INSR: variants seen among roughly 807,000 people sequenced by gnomAD.
INSR encodes the protein IR.
INSR carries 67 observed loss-of-function variants against 142.6 expected under a neutral mutation model. That is an observed-to-expected ratio of 0.47 (90% confidence interval 0.39 to 0.58). The LOEUF (loss-of-function observed/expected upper bound fraction) is 0.58. Ranked by LOEUF, INSR falls within the 20% of genes least tolerant of loss-of-function variation. The probability of loss-of-function intolerance (pLI) is 0.00; values close to 1 mark genes in which losing one functional copy is unlikely to be tolerated. For synonymous variants in INSR, 756 were observed against 743.1 expected (o/e 1.02, Z -0.28); for missense variants, 1,248 against 1,833.2 (o/e 0.68, Z 5.83).
chr19:7,143,185 G>A, intron 11 of INSR, 95 bp from the exon 12 acceptor site: 1 of 1,412,116 alleles, frequency 7.1e-7, no homozygotes, highest in Non-Finnish European at 9.9e-7. Flanking sequence ...TAAGAAGAAA[G>A]ATCAGAGCGC....
intron 1 of INSR, among the ~76,000 whole-genome samples, chr19:7,288,000 GTGGGATTTGGCCTGAGGGCCA>G (rs1968387345): frequency 6.6e-6 from 1 of 152,154 alleles, no homozygotes. Context: ...TACAAAAACC[GTGGGATTTGGCCTGAGGGCCA>G]TAGTTTGCTG....
intron 1 of INSR, chr19:7,268,550 T>A (rs1967812636): frequency 1.0e-6 from 1 of 985,158 alleles, no homozygotes; most frequent in South Asian, 4.7e-5. Context: ...CCCTCAAGAT[T>A]CTGCCCCTAC....
intron 11 of INSR, among the ~76,000 whole-genome samples, chr19:7,144,704 CT>C (rs199504210): frequency 0.14 from 18,630 of 135,726 alleles, 1,759 homozygotes; most frequent in East Asian, 0.5. Flanking sequence ...GCACATGGCT[CT>C]TTTTTTTTTT....
rs1294763642 is a variant in INSR, at chr19:7,120,601, C to G, written c.3659+19G>C. 1 of 1,613,712 alleles carries G rather than the reference C, an allele frequency of 6.2e-7. No individual in the cohort carries two copies. The highest frequency in any genetic ancestry group is 1.7e-5 in the Admixed American group (1 of 59,988). Reference sequence around the variant, plus strand: ...GAATTCAAGCCCAGCGTCCATCCACCCATCCACACACAACTCACCACATGT... The same window carrying G: ...GAATTCAAGCCCAGCGTCCATCCACGCATCCACACACAACTCACCACATGT... On this transcript the variant is annotated intron_variant, in intron 20 of 21. Transcript: ENST00000302850.
chr19:7,279,324 A>C (rs1968143960), intron 1 of INSR, among the ~76,000 whole-genome samples: 1 of 151,604 alleles, frequency 6.6e-6, no homozygotes, highest in Non-Finnish European at 1.5e-5. Flanking sequence ...ATAAAAAAGA[A>C]AGAGAGAAAC....
At chr19:7,210,340 CAAAAAA>C (rs11342133) in intron 2 of INSR, among the ~76,000 whole-genome samples, 12,862 of 109,842 alleles carry the variant, frequency 0.12, 1,698 homozygotes, top group African/African-American at 0.34. Context: ...GACTCTGTCT[CAAAAAA>C]AAAAAAAAAA....
rs141061577 is a variant in INSR, at chr19:7,143,182, A to G, written c.2268-92T>C. On this transcript the variant is annotated intron_variant, in intron 11 of 21. Transcript: ENST00000302850. ...GAGAATAAAAGGCTTGATTAAGAAGAAAGATCAGAGCGCAGGAGGGTGCAG... is the reference window on the plus strand; with the variant it reads ...GAGAATAAAAGGCTTGATTAAGAAGGAAGATCAGAGCGCAGGAGGGTGCAG... 8 of 1,443,152 alleles carry G rather than the reference A, an allele frequency of 5.5e-6. No homozygotes were observed. The African/African-American group carries it at 1.1e-4, about 20-fold the overall frequency. 89.4% of individuals were successfully genotyped at this position (1,443,152 alleles called of 1,614,324 possible).
At chr19:7,293,442 G>C (rs1240942925) in intron 1 of INSR, among the ~76,000 whole-genome samples, 1 of 152,182 alleles carries the variant, frequency 6.6e-6, no homozygotes, top group South Asian at 2.1e-4. Flanking sequence ...TCCCGGCCGC[G>C]ACCCAAAGAT....
rs1378329388 is a variant in INSR at position 7,125,483 on chromosome 19, G to A, written c.3058C>T (p.Arg1020Ter). The change falls in exon 17 of 22, where the codon CGA (arginine) becomes TGA (stop). Residue 1020 changes from arginine (R) to a stop codon, truncating the protein, a stop_gained. Transcript: ENST00000302850. LOFTEE classifies it high-confidence loss of function. The surrounding 1 kb of genome is among the most constrained non-coding windows in gnomAD (Gnocchi z 4.9). ...VYVPDEWEVSREKITLLRELG... is the reference protein window; with the variant it reads ...VYVPDEWEVS The stretch of plus-strand genomic sequence containing the variant: ...TCTCGAAGGAGGGTGATCTTCTCTC[G>A]AGACACCTCCCACTCGTCCGGCACG... The A allele has an allele frequency of 5.0e-6, 8 of 1,614,008 alleles. No homozygotes were observed. The highest frequency in any genetic ancestry group is 6.8e-6 in the Non-Finnish European group (8 of 1,180,020).
chr19:7,250,600 G>A (rs4804110), intron 2 of INSR, among the ~76,000 whole-genome samples: 68,818 of 130,716 alleles, frequency 0.53, 18,551 homozygotes, highest in East Asian at 0.63. Context: ...GAAGGAAGGA[G>A]AGGAGGGAGG....
intron 2 of INSR, among the ~76,000 whole-genome samples, chr19:7,195,688 G>C (rs1247847920): frequency 6.6e-6 from 1 of 151,482 alleles, no homozygotes; most frequent in African/African-American, 2.4e-5. Context: ...AAAAGCCAAT[G>C]TTGGGAAAGA....
rs765405296 is a variant in INSR, at chr19:7,117,045, G to A, written c.*11C>T. ...GGGAACCCCTGCCCGCCCCCGCCAC[G>A]GTAGGCACTGTTAGGAAGGATTGGA... is the stretch of plus-strand genomic sequence containing the variant. On this transcript the variant is annotated 3_prime_UTR_variant, in exon 22 of 22. Coordinates refer to ENST00000302850, the MANE Select transcript of INSR (RefSeq NM_000208.4). 4.4e-6 allele frequency: 7 copies of A among 1,575,982 alleles called. No individual in the cohort carries two copies. The highest frequency in any genetic ancestry group is 1.7e-4 in the Middle Eastern group (1 of 5,844).
At chr19:7,224,803 C>G (rs1975730194) in intron 2 of INSR, among the ~76,000 whole-genome samples, 1 of 152,094 alleles carries the variant, frequency 6.6e-6, no homozygotes, top group African/African-American at 2.4e-5. Flanking sequence ...CAGAGATAAT[C>G]CAGGGCCCTT....
intron 4 of INSR, 34 bp downstream of exon 4, chr19:7,174,549 C>A: frequency 1.2e-6 from 2 of 1,613,054 alleles, no homozygotes; most frequent in Non-Finnish European, 8.5e-7. Flanking sequence ...TGGAGCCCAA[C>A]AGGCACCCCC....
At chr19:7,279,606 G>C (rs950923759) in intron 1 of INSR, among the ~76,000 whole-genome samples, 1 of 151,588 alleles carries the variant, frequency 6.6e-6, no homozygotes, top group East Asian at 1.9e-4. Flanking sequence ...TTGGGAAGAT[G>C]GGGGAACAGG....
intron 2 of INSR, among the ~76,000 whole-genome samples, chr19:7,230,739 C>T (rs1975944292): frequency 6.9e-6 from 1 of 144,798 alleles, no homozygotes. Flanking sequence ...ATCCGAGAGG[C>T]GGAGATTGCA....
intron 2 of INSR, among the ~76,000 whole-genome samples, chr19:7,221,633 G>A (rs182939051): frequency 4.0e-5 from 6 of 150,000 alleles, no homozygotes; most frequent in Admixed American, 2.7e-4. Context: ...GCTTGAACCT[G>A]AGAGGCGGAG....
intron 1 of INSR, among the ~76,000 whole-genome samples, chr19:7,293,300 G>C (rs934901993): frequency 3.3e-5 from 5 of 152,188 alleles, no homozygotes; most frequent in Admixed American, 3.3e-4. Context: ...TTGGGTAGAG[G>C]GGGGCTCTGC....
chr19:7,243,338 T>C (rs1024844552), intron 2 of INSR, among the ~76,000 whole-genome samples: 3 of 142,172 alleles, frequency 2.1e-5, no homozygotes, highest in African/African-American at 7.7e-5. Context: ...CTCCGCTTCC[T>C]GGGTTCAAGT....
Sources: gnomAD v4.1 joint callset for allele counts (sites outside exome capture counted in the v4.1 genomes callset) on GRCh38, gnomAD v4.1.1 for gene constraint, Gnocchi (gnomAD v3.1) non-coding constraint, MANE v1.5 for transcripts, NCBI Gene and HGNC (gene_info 2026-07-23, HGNC 2026-07-21) for gene names.